SHROOM2: variants seen among roughly 807,000 people sequenced by gnomAD.
SHROOM2 encodes the protein protein Shroom2.
In SHROOM2, 33 loss-of-function variants were observed where a neutral mutation model predicts 75.9. The ratio of observed to expected loss-of-function variants is 0.43; its 90% confidence interval spans 0.33 to 0.58. The LOEUF (loss-of-function observed/expected upper bound fraction) is 0.58. Among genes scored for constraint, SHROOM2 ranks in the 20% least tolerant of loss-of-function variants. The pLI, the probability that SHROOM2 is intolerant of heterozygous loss-of-function variation, is 0.04. For synonymous variants in SHROOM2, 655 were observed against 663.6 expected (o/e 0.99, Z 0.20); for missense variants, 1,434 against 1,461.2 (o/e 0.98, Z 0.30).
At chrX:9,846,460 A>G (rs1449965320) in intron 1 of SHROOM2, among the ~76,000 whole-genome samples, 5 of 110,892 alleles carry the variant, frequency 4.5e-5, no homozygotes, top group African/African-American at 1.6e-4. Flanking sequence ...ACACCCAGAT[A>G]ATTTTTTTGT....
chrX:9,788,423 G>C (rs889320604), intron 1 of SHROOM2, among the ~76,000 whole-genome samples: 3 of 111,528 alleles, frequency 2.7e-5, no homozygotes, highest in African/African-American at 9.8e-5. Flanking sequence ...GATAATGAGG[G>C]TATCATTTGA....
At chrX:9,905,169 A>G (rs1311630699) in intron 5 of SHROOM2, among the ~76,000 whole-genome samples, 2 of 112,105 alleles carry the variant, frequency 1.8e-5, no homozygotes, top group Non-Finnish European at 3.8e-5. Context: ...CAATGTGTTC[A>G]TTTTTAAAGT....
chrX:9,931,834 A>G (rs2084650795), intron 5 of SHROOM2, among the ~76,000 whole-genome samples: 2 of 111,648 alleles, frequency 1.8e-5, no homozygotes, highest in South Asian at 7.5e-4. Flanking sequence ...GAGCATTTCC[A>G]CAAACATTAA....
chrX:9,939,342 G>C lies in SHROOM2; in HGVS notation c.4287G>C (p.Leu1429Phe). ...QEHEEDSGSD[L>F]DHDLSVKKQE... is the part of the protein sequence containing the mutation. ...ACGAAGAGGATTCGGGAAGCGACTT[G>C]GACCACGACCTGTCGGTGAAGAAGG... Residue 1429 changes from leucine to phenylalanine, a missense_variant, in exon 8 of 10, where the codon TTG (leucine) becomes TTC (phenylalanine). By Grantham distance (22) the Leu-to-Phe change is conservative. Transcript: ENST00000380913. 8.3e-7 allele frequency: 1 copy of C among 1,207,916 alleles called. No individual in the cohort carries two copies. The highest frequency in any genetic ancestry group is 1.1e-6 in the Non-Finnish European group (1 of 893,628).
Position 9,946,915 on chromosome X carries a change from T to G in SHROOM2, c.4829T>G (p.Leu1610Arg). The change falls in exon 10 of 10, where the codon CTT (leucine) becomes CGT (arginine). Residue 1610 changes from leucine (L) to arginine (R), a missense_variant. Around this residue, in one of 3 missense-constraint regions of SHROOM2, gnomAD observed 80 missense variants for 88.4 expected, o/e 0.90. Transcript: ENST00000380913. ...EEQLKCLLDS[L>R]QPERGK The stretch of plus-strand genomic sequence containing the variant: ...CAGCTGAAGTGCTTATTGGACAGCC[T>G]TCAGCCCGAAAGGGGCAAATAAGAG... 1 of 1,196,918 alleles carries G rather than the reference T, an allele frequency of 8.4e-7. No homozygotes were observed.
chrX:9,850,846 A>AAAG (rs1163830296), intron 1 of SHROOM2, among the ~76,000 whole-genome samples: 1 of 108,965 alleles, frequency 9.2e-6, no homozygotes, highest in African/African-American at 3.3e-5. Flanking sequence ...AAAAAAAAAA[A>AAAG]AGAGAAAACA....
At chrX:9,798,904 T>C in intron 1 of SHROOM2, among the ~76,000 whole-genome samples, 1 of 111,847 alleles carries the variant, frequency 8.9e-6, no homozygotes, top group East Asian at 2.8e-4. Flanking sequence ...ATAGGCCTGC[T>C]GCTGCTTCAA....
At chrX:9,814,010 C>G (rs1414352274) in intron 1 of SHROOM2, among the ~76,000 whole-genome samples, 1 of 112,045 alleles carries the variant, frequency 8.9e-6, no homozygotes, top group Non-Finnish European at 1.9e-5. Context: ...AATTACAGGG[C>G]TCTTCAAAGA....
At chrX:9,853,788 C>G (rs1347360282) in intron 1 of SHROOM2, among the ~76,000 whole-genome samples, 1 of 111,914 alleles carries the variant, frequency 8.9e-6, no homozygotes, top group Non-Finnish European at 1.9e-5. Context: ...TAATTCAGCC[C>G]CATAACAAAG....
rs200171601 is a variant in SHROOM2 at position 9,902,999 on chromosome X, C to T, written c.2891+4709C>T. ...TACCAGCTGCAAAATTGAATGCATACGAAATAGAGCTCTTTAGGGAAAAAT... is the reference window on the plus strand; with the variant it reads ...TACCAGCTGCAAAATTGAATGCATATGAAATAGAGCTCTTTAGGGAAAAAT... On this transcript the variant is annotated intron_variant, in intron 5 of 9. Coordinates refer to ENST00000380913, the MANE Select transcript of SHROOM2 (RefSeq NM_001649.4). 8.0e-5 allele frequency among the ~76,000 whole-genome samples: 9 copies of T among 111,831 alleles called. 1 individual carries two copies. In the East Asian group the frequency reaches 2.2e-3, roughly 28 times the overall value.
intron 1 of SHROOM2, among the ~76,000 whole-genome samples, chrX:9,850,831 C>CAAAAAAAA (rs757769302): frequency 1.3e-5 from 1 of 76,280 alleles, no homozygotes; most frequent in East Asian, 4.4e-4. Flanking sequence ...GACTCTGTGT[C>CAAAAAAAA]AAAAAAAAAA....
At chrX:9,798,278 TG>T (rs2083705587) in intron 1 of SHROOM2, among the ~76,000 whole-genome samples, 1 of 111,909 alleles carries the variant, frequency 8.9e-6, no homozygotes, top group Non-Finnish European at 1.9e-5. Flanking sequence ...TCTTTACCTA[TG>T]GCTTGCAGAT....
At chrX:9,877,699 G>T (rs756845904) in intron 2 of SHROOM2, among the ~76,000 whole-genome samples, 1 of 112,285 alleles carries the variant, frequency 8.9e-6, no homozygotes, top group Non-Finnish European at 1.9e-5. Flanking sequence ...CGGATCTACC[G>T]CTTGCTGGCC....
rs183717132 is a variant in SHROOM2, at chrX:9,948,777, G to A, written c.*1840G>A. The A allele has an allele frequency of 7.1e-5, 8 of 112,908 alleles. No individual in the cohort carries two copies. Among genetic ancestry groups the A allele is most frequent in the African/African-American group, 2.2e-4 (7 of 31,150 alleles). The allele number at this position is 112,908 out of a possible 1,213,427, so 9.3% of individuals were successfully genotyped here. ...CTTGAAAAATCCCTGTTCTGCCAGC[G>A]AAGCTTCCTCCTCCTCTCCAGCTGG... On this transcript the variant is annotated 3_prime_UTR_variant, in exon 10 of 10. Coordinates refer to ENST00000380913, the MANE Select transcript of SHROOM2 (RefSeq NM_001649.4).
intron 1 of SHROOM2, among the ~76,000 whole-genome samples, chrX:9,798,003 CT>C (rs1372881221): frequency 8.9e-6 from 1 of 111,753 alleles, no homozygotes; most frequent in Admixed American, 9.6e-5. Flanking sequence ...TTTTTTCCCC[CT>C]GGTAGTAGCA....
chrX:9,849,602 G>C lies in SHROOM2; in HGVS notation c.166-24050G>C, dbSNP rs2084027483. Among the ~76,000 whole-genome samples the C allele has an allele frequency of 2.7e-5, 3 of 111,555 alleles. No homozygotes were observed. The South Asian group carries it at 1.1e-3, about 42-fold the overall frequency. On this transcript the variant is annotated intron_variant, in intron 1 of 9. Transcript: ENST00000380913. ...AGCTTTACACGTCGCCTTAGAGCAT[G>C]TCTTTATTTGCTCCTGGATCAAGAA...
At chrX:9,918,747 C>G in intron 5 of SHROOM2, among the ~76,000 whole-genome samples, 1 of 111,950 alleles carries the variant, frequency 8.9e-6, no homozygotes, top group Non-Finnish European at 1.9e-5. Context: ...ACCTTGGCCT[C>G]CCAAAGTGCT....
intron 1 of SHROOM2, among the ~76,000 whole-genome samples, chrX:9,794,632 G>A (rs932809367): frequency 9.0e-6 from 1 of 111,705 alleles, no homozygotes; most frequent in African/African-American, 3.3e-5. Context: ...GCCTCCCAAA[G>A]TGCTGGGGAT....
intron 1 of SHROOM2, among the ~76,000 whole-genome samples, chrX:9,823,181 T>C (rs201085791): frequency 1.8e-3 from 105 of 59,609 alleles, no homozygotes; most frequent in Non-Finnish European, 2.1e-3. Flanking sequence ...TTCTTCTTCT[T>C]CTCCTCCTCC....
Sources: gnomAD v4.1 joint callset for allele counts (sites outside exome capture counted in the v4.1 genomes callset) on GRCh38, gnomAD v4.1.1 for gene constraint, gnomAD v4.1.1 regional missense constraint, MANE v1.5 for transcripts, NCBI Gene and HGNC (gene_info 2026-07-23, HGNC 2026-07-21) for gene names.